TANC2: variants seen among roughly 807,000 people sequenced by gnomAD.
TANC2 encodes protein TANC2.
In TANC2, 26 loss-of-function variants were observed where a neutral mutation model predicts 210.5. The ratio of observed to expected loss-of-function variants is 0.12; its 90% CI spans 0.09 to 0.17. TANC2 has a LOEUF of 0.17. Among genes scored for constraint, TANC2 ranks in the 10% least tolerant of loss-of-function variants. TANC2 has a pLI of 1.00. For missense variants in TANC2, 2,129 were observed against 2,608.9 expected, an observed-to-expected ratio of 0.82 and a Z score of 4.01; for synonymous variants, 931 against 967.1, an observed-to-expected ratio of 0.96 and a Z score of 0.69.
intron 4 of TANC2, among the ~76,000 whole-genome samples, chr17:63,107,540 C>A (rs769267968): frequency 6.6e-6 from 1 of 151,584 alleles, no homozygotes; most frequent in Non-Finnish European, 1.5e-5. Context: ...CATGTATGTT[C>A]ATAGCAGCAT....
chr17:63,279,852 GA>G (rs2044007130), intron 9 of TANC2, among the ~76,000 whole-genome samples: 1 of 151,988 alleles, frequency 6.6e-6, no homozygotes, highest in Non-Finnish European at 1.5e-5. Context: ...TCAAATTCTA[GA>G]AAGGTCTTAG....
chr17:63,122,089 C>G (rs2038507041), intron 4 of TANC2, among the ~76,000 whole-genome samples: 1 of 151,868 alleles, frequency 6.6e-6, no homozygotes, highest in African/African-American at 2.4e-5. Flanking sequence ...TTACTCAGTT[C>G]AAAAAAGTGA....
chr17:63,249,977 C>T (rs1598705124), intron 8 of TANC2, among the ~76,000 whole-genome samples: 1 of 152,116 alleles, frequency 6.6e-6, no homozygotes, highest in East Asian at 1.9e-4. Context: ...TGTTAGATTT[C>T]TTCTGCCCAC....
intron 5 of TANC2, among the ~76,000 whole-genome samples, chr17:63,176,805 C>CA (rs60736520): frequency 0.013 from 1,168 of 92,902 alleles, 14 homozygotes; most frequent in East Asian, 0.047. Context: ...GACTCCATCT[C>CA]AAAAAAAAAA....
chr17:63,157,621 C>G (rs1300260995), intron 5 of TANC2, among the ~76,000 whole-genome samples: 1 of 151,924 alleles, frequency 6.6e-6, no homozygotes, highest in Non-Finnish European at 1.5e-5. Context: ...CCTAATTTCC[C>G]TCTGTAAAAT....
At chr17:63,144,730 C>G (rs1009273725) in intron 4 of TANC2, among the ~76,000 whole-genome samples, 1 of 151,908 alleles carries the variant, frequency 6.6e-6, no homozygotes, top group African/African-American at 2.4e-5. Context: ...TACTTTGCAG[C>G]TGTGTATTAA....
rs142017865 is a variant in TANC2 at position 63,415,551 on chromosome 17, C to T, written c.4044C>T (p.Ala1348=). Residue 1348 remains alanine, a synonymous_variant, in exon 26 of 28, where the codon GCC becomes GCT. Coordinates refer to ENST00000689528, the Ensembl canonical transcript of TANC2. ...AGAAAGGTAAAGTAAAGGAAGCTGC[C>T]CAGCGCTACCAGTACGCCCTGAAGA... The T allele has an allele frequency of 5.8e-4, 931 of 1,613,778 alleles. 7 individuals are homozygous for T. The East Asian group carries it at 0.019, about 32-fold the overall frequency.
At chr17:63,218,506 A>G (rs1443916869) in intron 7 of TANC2, among the ~76,000 whole-genome samples, 1 of 152,194 alleles carries the variant, frequency 6.6e-6, no homozygotes, top group African/African-American at 2.4e-5. Context: ...AATAAAAGGC[A>G]TCTAGATTAG....
chr17:63,374,441 G>A (rs575686585), intron 14 of TANC2, among the ~76,000 whole-genome samples: 8 of 152,258 alleles, frequency 5.3e-5, no homozygotes, highest in African/African-American at 1.7e-4. Flanking sequence ...GATAGAGGCC[G>A]TGCTTTTTCC....
chr17:63,031,997 G>A (rs1182088012), intron 2 of TANC2, among the ~76,000 whole-genome samples: 1 of 152,156 alleles, frequency 6.6e-6, no homozygotes, highest in Non-Finnish European at 1.5e-5. Context: ...CAAGTGTAAA[G>A]ACGAAGTTGT....
intron 8 of TANC2, among the ~76,000 whole-genome samples, chr17:63,238,450 C>T (rs2042682922): frequency 6.6e-6 from 1 of 152,116 alleles, no homozygotes; most frequent in Admixed American, 6.6e-5. Context: ...AAAAACATTA[C>T]TAAAATTGGC....
chr17:63,258,745 A>G (rs971392244), intron 8 of TANC2, among the ~76,000 whole-genome samples: 16 of 151,986 alleles, frequency 1.1e-4, no homozygotes, highest in African/African-American at 1.9e-4. Flanking sequence ...TGGCTCCCCT[A>G]TGGTCCAAGG....
At chr17:63,345,776 A>G (rs2046387746) in intron 12 of TANC2, among the ~76,000 whole-genome samples, 1 of 152,232 alleles carries the variant, frequency 6.6e-6, no homozygotes, top group Non-Finnish European at 1.5e-5. Flanking sequence ...ATTACAGATT[A>G]CTATAATAGT....
intron 2 of TANC2, among the ~76,000 whole-genome samples, chr17:63,048,049 A>T (rs2035446693): frequency 1.3e-5 from 2 of 152,174 alleles, no homozygotes. Flanking sequence ...GTCTTCAGAG[A>T]TAAAGGCGTT....
chr17:63,055,882 G>T (rs949745332), intron 2 of TANC2, among the ~76,000 whole-genome samples: 1 of 144,370 alleles, frequency 6.9e-6, no homozygotes, highest in South Asian at 2.3e-4. Context: ...CAGTGCTTAC[G>T]CCTGGGAGAC....
At chr17:63,205,281 G>A (rs2041664158) in intron 7 of TANC2, among the ~76,000 whole-genome samples, 2 of 117,066 alleles carry the variant, frequency 1.7e-5, no homozygotes, top group Admixed American at 2.0e-4. Context: ...AAATTAAAAT[G>A]GATTAAAGAC....
rs1375634104 is a variant in TANC2 at position 63,108,846 on chromosome 17, TA to T, written c.322+9494del. Reference sequence around the variant, plus strand: ...ATAAATAAATAAAAATAAAAAATTTTAAAAAGTTGATTATATAGTTGGCCAT... The same window carrying T: ...ATAAATAAATAAAAATAAAAAATTTTAAAAGTTGATTATATAGTTGGCCAT... On this transcript the variant is annotated intron_variant, in intron 4 of 27. Coordinates refer to ENST00000689528, the Ensembl canonical transcript of TANC2. Among the ~76,000 whole-genome samples the T allele has an allele frequency of 8.6e-5, 13 of 151,092 alleles. 2 individuals carry two copies. The highest frequency in any genetic ancestry group is 2.9e-4 in the African/African-American group (12 of 40,868).
chr17:63,166,745 G>T (rs770208150), intron 5 of TANC2, among the ~76,000 whole-genome samples: 1 of 152,110 alleles, frequency 6.6e-6, no homozygotes, highest in African/African-American at 2.4e-5. Context: ...ACCCATAACA[G>T]TGTTAGATCT....
At chr17:63,266,711 C>T (rs1364505405) in intron 8 of TANC2, among the ~76,000 whole-genome samples, 1 of 152,164 alleles carries the variant, frequency 6.6e-6, no homozygotes, top group Non-Finnish European at 1.5e-5. Context: ...GAAATATACT[C>T]CCCAAGTATT....
Sources: allele counts gnomAD v4.1 joint callset (sites outside exome capture counted in the v4.1 genomes callset), GRCh38; gene constraint gnomAD v4.1.1; transcripts MANE v1.5; gene names NCBI Gene and HGNC (gene_info 2026-07-23, HGNC 2026-07-21).